The following PCDHGA6 variants were observed in gnomAD, a reference collection of about 807,000 sequenced individuals.
The protein encoded by PCDHGA6 is protocadherin gamma subfamily A, 6, also known as protocadherin gamma-A6.
PCDHGA6 carries 41 observed loss-of-function variants against 60.6 expected under a neutral mutation model. The ratio of observed to expected loss-of-function variants is 0.68; its 90% CI spans 0.53 to 0.88. The LOEUF (loss-of-function observed/expected upper bound fraction) is 0.88, where lower values mean the gene tolerates loss of function less well. Among genes scored for constraint, PCDHGA6 ranks in the 40% least tolerant of loss-of-function variants. The pLI, the probability that PCDHGA6 is intolerant of heterozygous loss-of-function variation, is 0.00. For synonymous variants in PCDHGA6, 594 were observed against 524.4 expected (o/e 1.13, Z -1.81); for missense variants, 1,312 against 1,203.0 (o/e 1.09, Z -1.34).
At chr5:141,444,002 C>T (rs2098413409) in intron 1 of PCDHGA6, among the ~76,000 whole-genome samples, 1 of 151,918 alleles carries the variant, frequency 6.6e-6, no homozygotes, top group African/African-American at 2.4e-5. Flanking sequence ...TAAATGCTAC[C>T]TGGGTATTGG....
chr5:141,475,947 C>A, intron 1 of PCDHGA6: 1 of 748,120 alleles, frequency 1.3e-6, no homozygotes, highest in Non-Finnish European at 2.1e-6. Context: ...CGTCCCCTTT[C>A]TGCGCCCCGG....
chr5:141,449,900 A>G (rs2098658617), intron 1 of PCDHGA6, among the ~76,000 whole-genome samples: 2 of 151,878 alleles, frequency 1.3e-5, no homozygotes, highest in South Asian at 2.1e-4. Context: ...TATTTAGCCT[A>G]TAGTCCATAT....
At position 141,404,686 on chromosome 5, in the gene PCDHGA6, A is replaced by G. The variant is rs1281158377; in HGVS notation, c.2424+28179A>G. On this transcript the variant is annotated intron_variant, in intron 1 of 3. Transcript: ENST00000517434. ...ATGGTTCTACTGGTGTGGAGCTGGC[A>G]CCCCGCTCTGCAGAGCCTGGCTACC... 4 of 1,613,710 alleles carry G rather than the reference A, an allele frequency of 2.5e-6. No individual in the cohort carries two copies. In the African/African-American group the frequency reaches 5.3e-5, roughly 22 times the overall value.
chr5:141,395,961 G>C (rs1016569431), intron 1 of PCDHGA6: 1 of 151,956 alleles, frequency 6.6e-6, no homozygotes, highest in Non-Finnish European at 1.5e-5. Flanking sequence ...AAAAACAAAA[G>C]CAAAAACATT....
rs187488785 is a variant in PCDHGA6 at position 141,461,744 on chromosome 5, C to T, written c.2425-33063C>T. 5.9e-5 allele frequency among the ~76,000 whole-genome samples: 9 copies of T among 152,302 alleles called. No individual in the cohort carries two copies. The East Asian group carries it at 1.7e-3, about 29-fold the overall frequency. On this transcript the variant is annotated intron_variant, in intron 1 of 3. Transcript: ENST00000517434. ...GGAGTGCAGTGGCACAATCCCGGCT[C>T]CCAGATTCAAGCGATTCTCCTGCCT...
intron 1 of PCDHGA6, chr5:141,418,251 C>G: frequency 6.2e-7 from 1 of 1,614,058 alleles, no homozygotes; most frequent in Non-Finnish European, 8.5e-7. Context: ...GACCACGCCC[C>G]TCAATTCCGG....
chr5:141,440,997 A>G (rs1191545127), intron 1 of PCDHGA6: 1 of 152,178 alleles, frequency 6.6e-6, no homozygotes, highest in East Asian at 1.9e-4. Context: ...ACCCATATCT[A>G]GTTTGGCCTT....
rs562410567 is a variant in PCDHGA6 at position 141,413,096 on chromosome 5, G to A, written c.2424+36589G>A. On this transcript the variant is annotated intron_variant, in intron 1 of 3. Transcript: ENST00000517434. ...GCCCAGGCTACAGAGACACCCTGAA[G>A]CCACAGAAAGACAAAGGAACCGGTT... 25 of 1,445,574 alleles carry A rather than the reference G, an allele frequency of 1.7e-5. No homozygotes were observed. The African/African-American group carries it at 3.3e-4, about 19-fold the overall frequency. The allele number at this position is 1,445,574 out of a possible 1,614,324, so 89.5% of individuals were successfully genotyped here.
At chr5:141,478,443 C>T (rs2099456258) in intron 1 of PCDHGA6, 3 of 1,613,494 alleles carry the variant, frequency 1.9e-6, no homozygotes, top group Admixed American at 1.7e-5. Flanking sequence ...CTGAAGAAAC[C>T]TGGTGCAGCC....
chr5:141,393,735 G>T, intron 1 of PCDHGA6: 1 of 1,613,858 alleles, frequency 6.2e-7, no homozygotes, highest in Non-Finnish European at 8.5e-7. Context: ...AAAAAGTCTA[G>T]ATTATGAAGA....
At chr5:141,508,151 C>T (rs1306467936) in intron 3 of PCDHGA6, 1 of 152,548 alleles carries the variant, frequency 6.6e-6, no homozygotes, top group Admixed American at 6.5e-5. Flanking sequence ...GGCTGAGTTT[C>T]CCTGAGTAGA....
chr5:141,479,813 T>G (rs543146395), intron 1 of PCDHGA6, among the ~76,000 whole-genome samples: 1 of 152,318 alleles, frequency 6.6e-6, no homozygotes, highest in South Asian at 2.1e-4. Flanking sequence ...TATGCAAGGA[T>G]ACTATCCAAG....
chr5:141,500,870 A>C (rs2099803097), intron 2 of PCDHGA6, among the ~76,000 whole-genome samples: 1 of 139,794 alleles, frequency 7.2e-6, no homozygotes, highest in African/African-American at 2.8e-5. Context: ...ATACACATTC[A>C]TTTACAATTT....
At chr5:141,399,375 C>A (rs548275013) in intron 1 of PCDHGA6, 2 of 1,614,016 alleles carry the variant, frequency 1.2e-6, no homozygotes, top group Non-Finnish European at 1.7e-6. Context: ...AGTACAATGT[C>A]ACCATCACAG....
chr5:141,404,169 C>T (rs199556803), intron 1 of PCDHGA6: 118 of 1,612,734 alleles, frequency 7.3e-5, no homozygotes, highest in Non-Finnish European at 8.8e-5. Flanking sequence ...AGATTGTTGA[C>T]GGCCCAAATT....
At chr5:141,418,778 T>A (rs1256260275) in intron 1 of PCDHGA6, 1 of 1,613,626 alleles carries the variant, frequency 6.2e-7, no homozygotes, top group East Asian at 2.2e-5. Flanking sequence ...TCAGCAGCCT[T>A]TGGATTTTGA....
In PCDHGA6 at chr5:141,389,708, G is replaced by C. The variant is rs773973967; in HGVS notation, c.2424+13201G>C. On this transcript the variant is annotated intron_variant, in intron 1 of 3. Coordinates refer to ENST00000517434, the MANE Select transcript of PCDHGA6 (RefSeq NM_018919.3). ...CCTGGCTGTCCTACCACGTGCTGCA[G>C]GCTAGCGAGCCCGGGCTCTTCAGCC... The C allele has an allele frequency of 4.3e-6, 7 of 1,612,610 alleles. No homozygotes were observed. In the South Asian group the frequency reaches 7.7e-5, roughly 18 times the overall value.
At chr5:141,448,223 T>C (rs1377619033) in intron 1 of PCDHGA6, among the ~76,000 whole-genome samples, 1 of 152,204 alleles carries the variant, frequency 6.6e-6, no homozygotes, top group Non-Finnish European at 1.5e-5. Context: ...TGCGAATGTA[T>C]GTGTGGGGTT....
At chr5:141,441,920 A>G (rs1276085080) in intron 1 of PCDHGA6, 8 of 352,988 alleles carry the variant, frequency 2.3e-5, no homozygotes, top group East Asian at 8.9e-5. Context: ...GTGAGACACA[A>G]TGCGTGGCTG....
Sources: allele counts gnomAD v4.1 joint callset (sites outside exome capture counted in the v4.1 genomes callset), GRCh38; gene constraint gnomAD v4.1.1; transcripts MANE v1.5; gene names NCBI Gene and HGNC (gene_info 2026-07-23, HGNC 2026-07-21).